The following SGCD variants were observed in gnomAD, a reference collection of about 807,000 sequenced individuals.
SGCD encodes delta-sarcoglycan.
SGCD carries 18 observed loss-of-function variants against 36.6 expected under a neutral mutation model. That is an observed-to-expected ratio of 0.49 (90% confidence interval 0.34 to 0.73). SGCD has a LOEUF of 0.73. Ranked by LOEUF, SGCD falls within the 30% of genes least tolerant of loss-of-function variation. SGCD has a pLI of 0.01. For missense variants in SGCD, 387 were observed against 346.7 expected, an observed-to-expected ratio of 1.12 and a Z score of -0.92; for synonymous variants, 133 against 130.6, an observed-to-expected ratio of 1.02 and a Z score of -0.12.
intron 4 of SGCD, among the ~76,000 whole-genome samples, chr5:156,532,924 T>TA (rs1410455544): frequency 2.0e-5 from 3 of 152,222 alleles, no homozygotes; most frequent in African/African-American, 7.2e-5. Context: ...ATCTTCTATT[T>TA]AGAGATGAAC....
intron 3 of SGCD, among the ~76,000 whole-genome samples, chr5:156,307,553 TTG>T (rs201510325): frequency 0.01 from 871 of 86,618 alleles, 69 homozygotes; most frequent in African/African-American, 0.028. Context: ...ATTTTAACTG[TTG>T]TTTTTTTTTT....
At chr5:156,671,832 A>G (rs181966894) in intron 7 of SGCD, among the ~76,000 whole-genome samples, 4 of 152,192 alleles carry the variant, frequency 2.6e-5, no homozygotes, top group Non-Finnish European at 5.9e-5. Flanking sequence ...CTTCTTGTGA[A>G]GCCTCAGGAA....
chr5:155,833,185 G>A, the SGCD span, among the ~76,000 whole-genome samples: 33 of 151,630 alleles, frequency 2.2e-4, no homozygotes, highest in Non-Finnish European at 2.9e-4. Context: ...AGCTGAGATC[G>A]CACCAGTACA....
intron 3 of SGCD, among the ~76,000 whole-genome samples, chr5:156,364,410 G>A (rs1357021828): frequency 3.3e-5 from 5 of 151,842 alleles, no homozygotes; most frequent in African/African-American, 1.2e-4. Context: ...GAAATACTTA[G>A]CAAGAATACT....
At chr5:156,158,713 A>G (rs1373697944) in intron 3 of SGCD, among the ~76,000 whole-genome samples, 4 of 151,612 alleles carry the variant, frequency 2.6e-5, no homozygotes, top group Admixed American at 6.6e-5. Flanking sequence ...GAAGATAGTC[A>G]TTACTATCTA....
chr5:156,153,210 GC>G (rs2127615569), intron 3 of SGCD, among the ~76,000 whole-genome samples: 1 of 150,776 alleles, frequency 6.6e-6, no homozygotes, highest in Admixed American at 6.6e-5. Context: ...TAGATAAGTA[GC>G]CTTGCAAAGG....
At chr5:155,879,325 T>C (rs1441200328) in intron 1 of SGCD, among the ~76,000 whole-genome samples, 10 of 152,168 alleles carry the variant, frequency 6.6e-5, no homozygotes, top group Non-Finnish European at 4.4e-5. Context: ...GCTAGAGTGA[T>C]TTCACTTTTC....
At chr5:156,137,191 A>G (rs1469342271) in intron 3 of SGCD, among the ~76,000 whole-genome samples, 1 of 152,202 alleles carries the variant, frequency 6.6e-6, no homozygotes, top group Non-Finnish European at 1.5e-5. Context: ...TGGGTGACCA[A>G]ATAAGGTCTT....
At chr5:156,727,010 A>G (rs1755811031) in intron 7 of SGCD, among the ~76,000 whole-genome samples, 2 of 152,218 alleles carry the variant, frequency 1.3e-5, no homozygotes, top group Admixed American at 1.3e-4. Flanking sequence ...CAAGCCTCAA[A>G]TATCTATAGG....
At chr5:156,011,902 G>A (rs575465332) in intron 1 of SGCD, among the ~76,000 whole-genome samples, 14 of 152,210 alleles carry the variant, frequency 9.2e-5, no homozygotes, top group African/African-American at 2.6e-4. Context: ...TCATAACTTT[G>A]AAAATACTAC....
Position 156,388,397 on chromosome 5 carries a change from C to A in SGCD, c.192+43720C>A, listed in dbSNP as rs529575705. ...CAACGACCAGATGCCAAGCAAATGG[C>A]AATCTTTGGCATATCTAGTGTTCTG... On this transcript the variant is annotated intron_variant, in intron 3 of 8. Coordinates refer to ENST00000337851, the MANE Select transcript of SGCD (RefSeq NM_000337.6). Among the ~76,000 whole-genome samples the A allele has an allele frequency of 3.9e-5, 6 of 152,236 alleles. No homozygotes were observed. In the South Asian group the frequency reaches 1.2e-3, roughly 32 times the overall value.
At chr5:156,455,185 A>G (rs561525821) in intron 3 of SGCD, among the ~76,000 whole-genome samples, 2 of 152,298 alleles carry the variant, frequency 1.3e-5, no homozygotes, top group East Asian at 3.9e-4. Flanking sequence ...GGCAATTACA[A>G]CAGCTTTACA....
the SGCD span, among the ~76,000 whole-genome samples, chr5:155,743,207 A>G: frequency 3.3e-5 from 5 of 152,194 alleles, no homozygotes; most frequent in Non-Finnish European, 5.9e-5. Context: ...TCAACCCTAC[A>G]ATCACATAGT....
At chr5:155,861,339 A>G in the SGCD span, among the ~76,000 whole-genome samples, 1 of 152,218 alleles carries the variant, frequency 6.6e-6, no homozygotes, top group East Asian at 1.9e-4. Flanking sequence ...ATCTTATTTA[A>G]CTTCCAGCAC....
At chr5:155,990,624 A>G (rs1166631916) in intron 1 of SGCD, among the ~76,000 whole-genome samples, 1 of 152,126 alleles carries the variant, frequency 6.6e-6, no homozygotes, top group Non-Finnish European at 1.5e-5. Flanking sequence ...GAATTTTTCT[A>G]TCCTTTTAGC....
At chr5:155,991,805 A>G (rs1312362812) in intron 1 of SGCD, among the ~76,000 whole-genome samples, 1 of 152,194 alleles carries the variant, frequency 6.6e-6, no homozygotes, top group Non-Finnish European at 1.5e-5. Context: ...ACCCGTAACT[A>G]TTATTACTTA....
chr5:156,444,108 CTCTCT>C (rs1561699367), intron 3 of SGCD, among the ~76,000 whole-genome samples: 27 of 103,200 alleles, frequency 2.6e-4, no homozygotes, highest in East Asian at 1.3e-3. Flanking sequence ...CTCTCTCTCT[CTCTCT>C]CTCCCCTTCC....
rs1199690481 is a variant in SGCD at position 156,265,376 on chromosome 5, G to T, written c.-43-64158G>T. On this transcript the variant is annotated intron_variant, in intron 3 of 9. Coordinates refer to the SGCD transcript ENST00000517913. ...TGTTTCCTAATTACTCAGTTACGGA[G>T]AATGGATTTGCATGTCCTTTGAAAA... is the stretch of plus-strand genomic sequence containing the variant. Among the ~76,000 whole-genome samples the T allele has an allele frequency of 2.6e-5, 4 of 152,162 alleles. No individual in the cohort carries two copies. In the East Asian group the frequency reaches 5.8e-4, roughly 22 times the overall value.
the SGCD span, among the ~76,000 whole-genome samples, chr5:155,818,999 G>GAGAAAGAGTAACACATTTC: frequency 6.6e-6 from 1 of 152,086 alleles, no homozygotes; most frequent in East Asian, 1.9e-4. Context: ...AGTAACATAT[G>GAGAAAGAGTAACACATTTC]AGAAAGAGTA....
Sources: allele counts gnomAD v4.1 joint callset (sites outside exome capture counted in the v4.1 genomes callset), GRCh38; gene constraint gnomAD v4.1.1; transcripts MANE v1.5; gene names NCBI Gene and HGNC (gene_info 2026-07-23, HGNC 2026-07-21).